SOX5: variants seen among roughly 807,000 people sequenced by gnomAD.
SOX5 encodes the protein transcription factor SOX-5.
In SOX5, 9 loss-of-function variants were observed where a neutral mutation model predicts 92.0. That is an observed-to-expected ratio of 0.10 (90% CI 0.06 to 0.17). SOX5 has a LOEUF of 0.17. SOX5 is among the 10% of genes least tolerant of loss of function. The pLI, the probability that SOX5 is intolerant of heterozygous loss-of-function variation, is 1.00. For synonymous variants in SOX5, 344 were observed against 336.3 expected (o/e 1.02, Z -0.25); for missense variants, 642 against 944.5 (o/e 0.68, Z 4.20).
chr12:24,020,603 T>C (rs1009823114), intron 4 of SOX5, among the ~76,000 whole-genome samples: 4 of 152,266 alleles, frequency 2.6e-5, no homozygotes, highest in African/African-American at 9.6e-5. Flanking sequence ...AATGTAGCTA[T>C]GCACTACCCC....
intron 4 of SOX5, among the ~76,000 whole-genome samples, chr12:23,993,842 T>C (rs1950774873): frequency 6.6e-6 from 1 of 151,778 alleles, no homozygotes; most frequent in African/African-American, 2.4e-5. Flanking sequence ...CTAGGCAACA[T>C]AAAGAAACTC....
chr12:23,865,647 C>T (rs2096803380), intron 2 of SOX5, among the ~76,000 whole-genome samples: 3 of 152,190 alleles, frequency 2.0e-5, no homozygotes, highest in South Asian at 4.2e-4. Flanking sequence ...TGCATTCCCG[C>T]CTGGGTGACA....
intron 4 of SOX5, among the ~76,000 whole-genome samples, chr12:24,149,222 G>T (rs992123548): frequency 6.6e-6 from 1 of 151,954 alleles, no homozygotes; most frequent in African/African-American, 2.4e-5. Context: ...AAAATAAGTT[G>T]ATTTCATCAA....
chr12:24,519,690 A>C (rs1183255056), intron 1 of SOX5, among the ~76,000 whole-genome samples: 1 of 152,238 alleles, frequency 6.6e-6, no homozygotes, highest in Admixed American at 6.5e-5. Context: ...CAAATCATTA[A>C]GGCCTTGTAG....
chr12:23,668,293 C>T (rs139307505), intron 6 of SOX5, among the ~76,000 whole-genome samples: 62 of 152,174 alleles, frequency 4.1e-4, no homozygotes, highest in Middle Eastern at 3.4e-3. Flanking sequence ...AAGTTGTGAC[C>T]GGAAGCTCGC....
intron 7 of SOX5, among the ~76,000 whole-genome samples, chr12:23,646,304 A>G (rs1012129207): frequency 3.9e-5 from 6 of 152,118 alleles, no homozygotes; most frequent in Admixed American, 3.9e-4. Context: ...TCTCTTGGGT[A>G]GCTGGGACCA....
At chr12:24,051,012 T>G (rs1957511282) in intron 4 of SOX5, among the ~76,000 whole-genome samples, 1 of 152,152 alleles carries the variant, frequency 6.6e-6, no homozygotes, top group Non-Finnish European at 1.5e-5. Context: ...TCTCATCCAC[T>G]AGGTATTCTC....
At chr12:23,984,086 C>T (rs1335631006) in intron 4 of SOX5, among the ~76,000 whole-genome samples, 1 of 152,080 alleles carries the variant, frequency 6.6e-6, no homozygotes, top group Non-Finnish European at 1.5e-5. Context: ...ATACTTCATT[C>T]CTCTGTATTT....
At chr12:24,448,025 A>G (rs1315778918) in intron 1 of SOX5, among the ~76,000 whole-genome samples, 2 of 152,332 alleles carry the variant, frequency 1.3e-5, no homozygotes, top group Non-Finnish European at 2.9e-5. Context: ...TACTAAAAAC[A>G]CAAAAATTAG....
chr12:24,444,989 A>C (rs910525174), intron 1 of SOX5, among the ~76,000 whole-genome samples: 1 of 152,216 alleles, frequency 6.6e-6, no homozygotes, highest in Admixed American at 6.5e-5. Context: ...ACACTACAGC[A>C]ACAATAAATA....
intron 1 of SOX5, among the ~76,000 whole-genome samples, chr12:24,459,836 G>A (rs1463177975): frequency 6.6e-6 from 1 of 151,994 alleles, no homozygotes; most frequent in African/African-American, 2.4e-5. Flanking sequence ...CAGCTGCTGA[G>A]TTTAAAAAAA....
chr12:23,549,676 G>C (rs1323447207), intron 11 of SOX5, among the ~76,000 whole-genome samples: 1 of 151,902 alleles, frequency 6.6e-6, no homozygotes, highest in Non-Finnish European at 1.5e-5. Context: ...CCTGGGGTAT[G>C]GGCCAAACAA....
chr12:24,040,205 G>T (rs190395186), intron 4 of SOX5, among the ~76,000 whole-genome samples: 4 of 152,218 alleles, frequency 2.6e-5, no homozygotes, highest in African/African-American at 9.6e-5. Context: ...TCTTTTCCAG[G>T]TAGTCTTTGA....
chr12:24,495,484 T>A (rs1947536941), intron 1 of SOX5, among the ~76,000 whole-genome samples: 1 of 152,246 alleles, frequency 6.6e-6, no homozygotes. Context: ...CCTTAGGAAC[T>A]CAATTTCGGA....
At chr12:24,404,667 C>A (rs1167639365) in intron 1 of SOX5, among the ~76,000 whole-genome samples, 1 of 152,116 alleles carries the variant, frequency 6.6e-6, no homozygotes. Context: ...AGAAAGAATG[C>A]GAGCTACAGA....
chr12:24,465,594 C>T (rs916822568), intron 1 of SOX5, among the ~76,000 whole-genome samples: 2 of 152,204 alleles, frequency 1.3e-5, no homozygotes, highest in African/African-American at 4.8e-5. Context: ...GTAACGGACA[C>T]ATATGAGACC....
chr12:23,600,750 A>G (rs1464183024), intron 9 of SOX5, among the ~76,000 whole-genome samples: 2 of 151,818 alleles, frequency 1.3e-5, no homozygotes, highest in African/African-American at 4.8e-5. Context: ...TCACATTTAC[A>G]GAACACAACT....
chr12:23,792,744 G>C (rs1053596215), intron 3 of SOX5, among the ~76,000 whole-genome samples: 1 of 147,962 alleles, frequency 6.8e-6, no homozygotes, highest in East Asian at 2.1e-4. Flanking sequence ...GTCTGTATGT[G>C]ATGATTTAAA....
chr12:24,285,475 C>T (rs1384210165), intron 2 of SOX5, among the ~76,000 whole-genome samples: 2 of 152,116 alleles, frequency 1.3e-5, no homozygotes, highest in Non-Finnish European at 2.9e-5. Context: ...TATCGATATT[C>T]TTTACAAACT....
Sources: gnomAD v4.1 joint callset for allele counts (sites outside exome capture counted in the v4.1 genomes callset) on GRCh38, gnomAD v4.1.1 for gene constraint, MANE v1.5 for transcripts, NCBI Gene and HGNC (gene_info 2026-07-23, HGNC 2026-07-21) for gene names.